Variants in SPMIP2 observed in about 807,000 individuals in gnomAD.
The protein encoded by SPMIP2 is protein SPMIP2.
At chr4:158,991,862 T>C in the SPMIP2 span, among the ~76,000 whole-genome samples, 1 of 152,108 alleles carries the variant, frequency 6.6e-6, no homozygotes, top group Non-Finnish European at 1.5e-5. Context: ...CAGTTTTTTT[T>C]TAATTTTATT....
the SPMIP2 span, among the ~76,000 whole-genome samples, chr4:158,911,968 A>G: frequency 6.6e-6 from 1 of 152,212 alleles, no homozygotes; most frequent in Non-Finnish European, 1.5e-5. Context: ...TATGCATTGT[A>G]TGAAGGAAAA....
At chr4:158,900,018 A>G in the SPMIP2 span, among the ~76,000 whole-genome samples, 1 of 152,182 alleles carries the variant, frequency 6.6e-6, no homozygotes, top group African/African-American at 2.4e-5. Context: ...ACTGCTTTAA[A>G]TGTGTCCTAA....
At chr4:159,077,612 A>G in the SPMIP2 span, among the ~76,000 whole-genome samples, 1 of 152,238 alleles carries the variant, frequency 6.6e-6, no homozygotes, top group Non-Finnish European at 1.5e-5. Flanking sequence ...TTAGAAATGT[A>G]TAATCAAATT....
At chr4:158,973,164 T>C in the SPMIP2 span, 9 of 1,613,132 alleles carry the variant, frequency 5.6e-6, 1 homozygote, top group Admixed American at 1.2e-4. Flanking sequence ...GACGTACTCA[T>C]GTTTATATTT....
the SPMIP2 span, chr4:158,915,299 C>T: frequency 6.2e-7 from 1 of 1,613,426 alleles, no homozygotes; most frequent in Non-Finnish European, 8.5e-7. Context: ...CACTCATATG[C>T]CAGGCAAAAG....
chr4:159,037,089 A>G, the SPMIP2 span, among the ~76,000 whole-genome samples: 1 of 152,184 alleles, frequency 6.6e-6, no homozygotes, highest in Non-Finnish European at 1.5e-5. Context: ...AATAAATGAG[A>G]TCTTGGCTTT....
chr4:158,915,226 A>G, the SPMIP2 span: 2 of 1,613,586 alleles, frequency 1.2e-6, no homozygotes, highest in Non-Finnish European at 1.7e-6. Context: ...CTTGGCAATG[A>G]TGACTTACAC....
At chr4:158,925,185 G>C in the SPMIP2 span, among the ~76,000 whole-genome samples, 1 of 152,124 alleles carries the variant, frequency 6.6e-6, no homozygotes, top group Non-Finnish European at 1.5e-5. Flanking sequence ...TTCTTTGTGG[G>C]AAGTTTGTTG....
At chr4:158,947,155 C>T in the SPMIP2 span, among the ~76,000 whole-genome samples, 8 of 152,082 alleles carry the variant, frequency 5.3e-5, no homozygotes, top group African/African-American at 9.7e-5. Context: ...TCAAAAAAAT[C>T]GCAGAACTTT....
chr4:158,999,043 G>A, the SPMIP2 span, among the ~76,000 whole-genome samples: 6 of 151,982 alleles, frequency 3.9e-5, no homozygotes, highest in Middle Eastern at 3.4e-3. Flanking sequence ...ACACACCTGT[G>A]GTCCCAGCTA....
At chr4:159,066,589 T>TTATATATA in the SPMIP2 span, among the ~76,000 whole-genome samples, 728 of 76,452 alleles carry the variant, frequency 9.5e-3, 3 homozygotes, top group Admixed American at 0.03. Flanking sequence ...TGTGTGTATT[T>TTATATATA]TATATATATA....
chr4:159,040,081 A>C, the SPMIP2 span, among the ~76,000 whole-genome samples: 4 of 152,230 alleles, frequency 2.6e-5, no homozygotes, highest in Non-Finnish European at 5.9e-5. Context: ...ACCGTTTAGC[A>C]GTGAACCTTA....
the SPMIP2 span, among the ~76,000 whole-genome samples, chr4:158,959,981 A>G: frequency 6.6e-6 from 1 of 152,148 alleles, no homozygotes; most frequent in Admixed American, 6.6e-5. Context: ...ATAAAGTTAA[A>G]GCTAATCTAC....
chr4:159,073,634 C>T, the SPMIP2 span, among the ~76,000 whole-genome samples: 1 of 152,188 alleles, frequency 6.6e-6, no homozygotes, highest in Non-Finnish European at 1.5e-5. Context: ...GCCATCCTCC[C>T]TCTCCTAATC....
the SPMIP2 span, among the ~76,000 whole-genome samples, chr4:158,913,222 G>A: frequency 6.6e-6 from 1 of 152,150 alleles, no homozygotes; most frequent in Non-Finnish European, 1.5e-5. Flanking sequence ...TGCTGTTGTT[G>A]TTGTTGTTGT....
chr4:158,915,320 C>CT, the SPMIP2 span: 1 of 1,613,180 alleles, frequency 6.2e-7, no homozygotes, highest in African/African-American at 1.3e-5. Context: ...AAGCGCGACT[C>CT]TGTTTTCCTT....
chr4:159,011,498 C>A, the SPMIP2 span, among the ~76,000 whole-genome samples: 1 of 152,152 alleles, frequency 6.6e-6, no homozygotes, highest in Non-Finnish European at 1.5e-5. Context: ...CGCCTGTAAT[C>A]CCAGCACTTT....
At chr4:158,902,960 C>G in the SPMIP2 span, among the ~76,000 whole-genome samples, 16 of 152,330 alleles carry the variant, frequency 1.1e-4, no homozygotes, top group Middle Eastern at 3.4e-3. Flanking sequence ...CCACTCGGCT[C>G]CCTGGCTTCA....
At chr4:158,898,769 G>A in the SPMIP2 span, among the ~76,000 whole-genome samples, 2 of 152,324 alleles carry the variant, frequency 1.3e-5, no homozygotes, top group Admixed American at 1.3e-4. Flanking sequence ...ATACAATCAT[G>A]TCATCTGCAA....
Sources: gnomAD v4.1 joint callset for allele counts (sites outside exome capture counted in the v4.1 genomes callset) on GRCh38, gnomAD v4.1.1 for gene constraint, MANE v1.5 for transcripts, NCBI Gene and HGNC (gene_info 2026-07-23, HGNC 2026-07-21) for gene names.